Variants in CDH13 observed in about 807,000 individuals in gnomAD.
The protein encoded by CDH13 is cadherin 13, also known as cadherin-13.
Under a neutral mutation model 63.8 loss-of-function variants are expected in CDH13, and 24 were observed. The ratio of observed to expected loss-of-function variants is 0.38; its 90% CI spans 0.27 to 0.53. CDH13 has a LOEUF of 0.53. Among genes scored for constraint, CDH13 ranks in the 20% least tolerant of loss-of-function variants. The pLI is 0.85. For synonymous variants in CDH13, 503 were observed against 355.3 expected, an observed-to-expected ratio of 1.42 and a Z score of -4.67; for missense variants, 1,049 against 903.1, an observed-to-expected ratio of 1.16 and a Z score of -2.07.
chr16:82,656,753 C>G (rs577941824), intron 1 of CDH13, among the ~76,000 whole-genome samples: 2 of 152,174 alleles, frequency 1.3e-5, no homozygotes, highest in African/African-American at 2.4e-5. Context: ...TCCCTTCTCC[C>G]TAACCCCTGG....
chr16:83,282,200 A>C (rs758500648), intron 5 of CDH13, among the ~76,000 whole-genome samples: 2 of 152,168 alleles, frequency 1.3e-5, no homozygotes, highest in Non-Finnish European at 2.9e-5. Flanking sequence ...GTACCCCAAA[A>C]CAGATACAAT....
chr16:82,814,198 C>G (rs977078607), intron 1 of CDH13, among the ~76,000 whole-genome samples: 1 of 152,120 alleles, frequency 6.6e-6, no homozygotes, highest in African/African-American at 2.4e-5. Flanking sequence ...CAGACAGCAT[C>G]TAAGAGCTTT....
chr16:82,816,734 C>G (rs1265246720), intron 1 of CDH13, among the ~76,000 whole-genome samples: 1 of 145,318 alleles, frequency 6.9e-6, no homozygotes, highest in Non-Finnish European at 1.5e-5. Context: ...CCTTGTAGTC[C>G]ATTTGGAAGG....
chr16:83,343,247 A>C (rs1183636451), intron 5 of CDH13, among the ~76,000 whole-genome samples: 1 of 152,116 alleles, frequency 6.6e-6, no homozygotes, highest in African/African-American at 2.4e-5. Context: ...TTCTATCCAT[A>C]TTTGTAGGTC....
chr16:82,746,074 C>G (rs775193052), intron 1 of CDH13, among the ~76,000 whole-genome samples: 6 of 150,532 alleles, frequency 4.0e-5, no homozygotes, highest in Admixed American at 6.6e-5. Flanking sequence ...AAGAGGGAAT[C>G]TATCTATGTC....
intron 5 of CDH13, among the ~76,000 whole-genome samples, chr16:83,305,280 C>T (rs1431542096): frequency 2.6e-5 from 4 of 152,174 alleles, no homozygotes; most frequent in Admixed American, 2.6e-4. Context: ...CAATCAGAAG[C>T]AGGGGAGTGA....
chr16:83,021,520 G>C (rs1385344725), intron 2 of CDH13, among the ~76,000 whole-genome samples: 1 of 152,224 alleles, frequency 6.6e-6, no homozygotes. Context: ...CCTGAAAGCA[G>C]ATGTGGCCTC....
intron 3 of CDH13, among the ~76,000 whole-genome samples, chr16:83,044,172 G>A (rs915455065): frequency 6.6e-6 from 1 of 151,452 alleles, no homozygotes; most frequent in African/African-American, 2.4e-5. Context: ...TCCAGATGCA[G>A]AAGTAGCTCA....
chr16:83,444,650 T>C (rs1302247489), intron 6 of CDH13, among the ~76,000 whole-genome samples: 1 of 152,124 alleles, frequency 6.6e-6, no homozygotes, highest in Non-Finnish European at 1.5e-5. Flanking sequence ...GTCCCTCCGG[T>C]GATGCTGTTT....
intron 4 of CDH13, among the ~76,000 whole-genome samples, chr16:83,185,850 C>T (rs1390393304): frequency 6.6e-6 from 1 of 152,174 alleles, no homozygotes; most frequent in Non-Finnish European, 1.5e-5. Context: ...GCATTTGAAA[C>T]ATTTTTTACT....
At chr16:82,938,797 T>C (rs1341433971) in intron 2 of CDH13, among the ~76,000 whole-genome samples, 2 of 152,208 alleles carry the variant, frequency 1.3e-5, no homozygotes, top group East Asian at 1.9e-4. Context: ...AAGAAAACTC[T>C]GGAAGTAATG....
At chr16:83,690,750 C>T (rs1372008709) in intron 10 of CDH13, among the ~76,000 whole-genome samples, 2 of 152,066 alleles carry the variant, frequency 1.3e-5, no homozygotes, top group Non-Finnish European at 2.9e-5. Flanking sequence ...GAGACAGAGT[C>T]TGGCTATGTC....
Position 83,781,741 on chromosome 16 carries a change from G to A in CDH13, c.1916-1513G>A. Among the ~76,000 whole-genome samples, 3 of 151,472 alleles carry A rather than the reference G, an allele frequency of 2.0e-5. No homozygotes were observed. In the South Asian group the frequency reaches 6.3e-4, roughly 32 times the overall value. On this transcript the variant is annotated intron_variant, in intron 12 of 13. Coordinates refer to ENST00000567109, the MANE Select transcript of CDH13 (RefSeq NM_001257.5). ...TAATCATCTCCAGTTCTTTCCAATT[G>A]GAACTTTCTCATTCAAGAGTTTCTT...
intron 1 of CDH13, among the ~76,000 whole-genome samples, chr16:82,796,089 C>G (rs774738924): frequency 2.0e-5 from 3 of 152,058 alleles, no homozygotes; most frequent in Non-Finnish European, 4.4e-5. Context: ...TGTCAGGTTC[C>G]TGTGCCTCTC....
intron 7 of CDH13, among the ~76,000 whole-genome samples, chr16:83,589,115 G>A (rs1906464248): frequency 1.3e-5 from 2 of 152,168 alleles, no homozygotes; most frequent in Admixed American, 6.5e-5. Flanking sequence ...CTCCAAGGGA[G>A]AATCCATTTT....
chr16:82,663,254 T>G (rs1912182641), intron 1 of CDH13, among the ~76,000 whole-genome samples: 1 of 152,190 alleles, frequency 6.6e-6, no homozygotes. Context: ...TGGCGCGATC[T>G]CGGCTCACCG....
At chr16:83,474,574 T>A (rs2073551788) in intron 6 of CDH13, among the ~76,000 whole-genome samples, 1 of 152,084 alleles carries the variant, frequency 6.6e-6, no homozygotes, top group Non-Finnish European at 1.5e-5. Context: ...ATCTGGTGGG[T>A]CCCACCAGAA....
At chr16:83,764,785 C>G (rs546328459) in intron 11 of CDH13, among the ~76,000 whole-genome samples, 19 of 151,536 alleles carry the variant, frequency 1.3e-4, no homozygotes, top group African/African-American at 4.6e-4. Flanking sequence ...GAAGTCAGCC[C>G]TTTACTCTTG....
intron 5 of CDH13, among the ~76,000 whole-genome samples, chr16:83,278,271 C>G (rs888744944): frequency 5.9e-5 from 9 of 152,202 alleles, no homozygotes; most frequent in African/African-American, 2.2e-4. Flanking sequence ...ATTCCCAAAG[C>G]TTAAACCAGA....
Sources: gnomAD v4.1 joint callset for allele counts (sites outside exome capture counted in the v4.1 genomes callset) on GRCh38, gnomAD v4.1.1 for gene constraint, MANE v1.5 for transcripts, NCBI Gene and HGNC (gene_info 2026-07-23, HGNC 2026-07-21) for gene names.